Variants in DENND4C observed in about 807,000 individuals in gnomAD.
The protein encoded by DENND4C is DENN domain-containing protein 4C.
A neutral mutation model predicts 203.0 loss-of-function variants in DENND4C; 108 were observed. The observed-to-expected ratio is 0.53, with a 90% confidence interval of 0.46 to 0.62. The LOEUF is 0.62. DENND4C is among the 20% of genes least tolerant of loss of function. DENND4C has a pLI of 0.00. For missense variants in DENND4C, 2,481 were observed against 2,301.2 expected (o/e 1.08, Z -1.60); for synonymous variants, 871 against 792.4 (o/e 1.10, Z -1.67).
intron 1 of DENND4C, among the ~76,000 whole-genome samples, chr9:19,234,062 A>T (rs1210516484): frequency 6.6e-6 from 1 of 152,172 alleles, no homozygotes; most frequent in Non-Finnish European, 1.5e-5. Flanking sequence ...TTCCGTGATT[A>T]ATGTTAATAT....
chr9:19,282,572 A>ATAAAT (rs1564116759), intron 2 of DENND4C, among the ~76,000 whole-genome samples: 1 of 147,380 alleles, frequency 6.8e-6, no homozygotes, highest in Non-Finnish European at 1.5e-5. Context: ...AAAAAAAAAA[A>ATAAAT]AAATAATGGG....
intron 22 of DENND4C, among the ~76,000 whole-genome samples, chr9:19,345,377 T>G (rs1337180506): frequency 6.6e-6 from 1 of 152,246 alleles, no homozygotes; most frequent in Non-Finnish European, 1.5e-5. Flanking sequence ...CGTTTAGTAT[T>G]TGTTGAAGAA....
chr9:19,265,254 C>A (rs1248014729), intron 1 of DENND4C, among the ~76,000 whole-genome samples: 18 of 152,078 alleles, frequency 1.2e-4, no homozygotes, highest in East Asian at 7.7e-4. Context: ...GGGGCTCAAG[C>A]AGTCTGTCCC....
intron 1 of DENND4C, among the ~76,000 whole-genome samples, chr9:19,255,530 A>C: frequency 6.6e-6 from 1 of 152,198 alleles, no homozygotes. Context: ...CTATATATAC[A>C]TTTTATGTGA....
chr9:19,330,905 A>G (rs1334851301), intron 16 of DENND4C, among the ~76,000 whole-genome samples: 2 of 151,706 alleles, frequency 1.3e-5, no homozygotes, highest in African/African-American at 4.8e-5. Flanking sequence ...TGCACAAAAA[A>G]ATTAGCTGGG....
chr9:19,345,794 C>G (rs1402655308), intron 22 of DENND4C, 127 bp from the exon 23 acceptor site: 2 of 866,916 alleles, frequency 2.3e-6, no homozygotes, highest in Non-Finnish European at 3.3e-6. Flanking sequence ...TTCTTTATGG[C>G]CTCTAAATTT....
In DENND4C at chr9:19,324,499, A is replaced by T; in HGVS notation, c.1945A>T (p.Ile649Leu). Residue 649 changes from isoleucine (I) to leucine (L), a missense_variant, in exon 13 of 33, where the codon ATA becomes TTA. Ile to Leu is a conservative substitution (Grantham distance 5). This residue lies in a region of DENND4C where 2,289 missense variants were observed against 2,113.3 expected (regional missense o/e 1.08). Transcript: ENST00000434457. Reference sequence around the variant, plus strand: ...TGGATTAGCATTTTTTGATGACTGCATAGAAAAGGTAAAAGTTTGTACTTA... The same window carrying T: ...TGGATTAGCATTTTTTGATGACTGCTTAGAAAAGGTAAAAGTTTGTACTTA... ...DTGLAFFDDC[I>L]EKLFPDKGTE... The T allele has an allele frequency of 6.2e-7, 1 of 1,603,568 alleles. No homozygotes were observed. The highest frequency in any genetic ancestry group is 8.5e-7 in the Non-Finnish European group (1 of 1,177,820).
intron 12 of DENND4C, among the ~76,000 whole-genome samples, chr9:19,323,225 C>T (rs770364068): frequency 2.0e-5 from 3 of 152,006 alleles, no homozygotes; most frequent in Non-Finnish European, 2.9e-5. Context: ...ACCTGAGGTC[C>T]GTTCAAGACC....
intron 5 of DENND4C, among the ~76,000 whole-genome samples, chr9:19,295,589 G>A (rs2131250028): frequency 6.6e-6 from 1 of 150,546 alleles, no homozygotes; most frequent in Non-Finnish European, 1.5e-5. Flanking sequence ...GCAGTCACTT[G>A]AACCTGGGAG....
rs543443278 is a variant in DENND4C, at chr9:19,252,785, G to T, written c.-18+21952G>T. 1.8e-4 allele frequency among the ~76,000 whole-genome samples: 28 copies of T among 152,020 alleles called. 1 individual carries two copies. The highest frequency in any genetic ancestry group is 6.8e-4 in the African/African-American group (28 of 41,462). ...TAGTCTTCCTCTGTCACTCAGGCTA[G>T]GGTGCAGTGGCACTATCTTGGCTCA... On this transcript the variant is annotated intron_variant, in intron 1 of 32. Transcript: ENST00000434457.
chr9:19,302,762 G>A (rs1264428940), intron 9 of DENND4C, among the ~76,000 whole-genome samples: 1 of 152,048 alleles, frequency 6.6e-6, no homozygotes, highest in African/African-American at 2.4e-5. Flanking sequence ...CAGCATTCTG[G>A]CCTTACCATC....
intron 1 of DENND4C, among the ~76,000 whole-genome samples, chr9:19,237,306 A>C (rs1822219377): frequency 6.6e-6 from 1 of 151,632 alleles, no homozygotes; most frequent in Non-Finnish European, 1.5e-5. Context: ...GGCGTGAGCC[A>C]CCACGCCCGG....
chr9:19,318,029 G>T (rs1842131784), intron 12 of DENND4C, among the ~76,000 whole-genome samples: 1 of 152,162 alleles, frequency 6.6e-6, no homozygotes, highest in Admixed American at 6.6e-5. Context: ...GCTTATTAAA[G>T]TTTTCTCTAA....
At chr9:19,253,706 G>A (rs1302519034) in intron 1 of DENND4C, among the ~76,000 whole-genome samples, 1 of 152,178 alleles carries the variant, frequency 6.6e-6, no homozygotes, top group African/African-American at 2.4e-5. Context: ...GGAATTACAT[G>A]AACTGCATTT....
At chr9:19,370,464 AAAAG>A (rs1218091056) in intron 31 of DENND4C, among the ~76,000 whole-genome samples, 4 of 152,200 alleles carry the variant, frequency 2.6e-5, no homozygotes, top group African/African-American at 9.7e-5. Context: ...CAAAAAAAAA[AAAAG>A]AGTGGAAATA....
intron 1 of DENND4C, among the ~76,000 whole-genome samples, chr9:19,254,242 TCC>T (rs1827365720): frequency 6.6e-6 from 1 of 152,156 alleles, no homozygotes; most frequent in Non-Finnish European, 1.5e-5. Context: ...TAGGTATATA[TCC>T]AAAGGAAGTG....
chr9:19,340,965 T>C (rs780767536), intron 20 of DENND4C, 27 bp from the exon 21 acceptor site: 1 of 1,561,826 alleles, frequency 6.4e-7, no homozygotes, highest in Non-Finnish European at 8.6e-7. Context: ...AAAACATTTA[T>C]ATGTAAGTCT....
intron 13 of DENND4C, among the ~76,000 whole-genome samples, chr9:19,325,480 G>T (rs1186654998): frequency 1.3e-5 from 2 of 152,094 alleles, no homozygotes; most frequent in Non-Finnish European, 1.5e-5. Flanking sequence ...GCCCCCTCAT[G>T]ATTCATATGC....
chr9:19,249,027 T>C (rs1825926151), intron 1 of DENND4C, among the ~76,000 whole-genome samples: 1 of 151,876 alleles, frequency 6.6e-6, no homozygotes, highest in African/African-American at 2.4e-5. Flanking sequence ...CTGACCTTGG[T>C]TGATCCACCC....
Sources: gnomAD v4.1 joint callset for allele counts (sites outside exome capture counted in the v4.1 genomes callset) on GRCh38, gnomAD v4.1.1 for gene constraint, gnomAD v4.1.1 regional missense constraint, MANE v1.5 for transcripts, NCBI Gene and HGNC (gene_info 2026-07-23, HGNC 2026-07-21) for gene names.